The following LLGL2 variants were observed in gnomAD, a reference collection of about 807,000 sequenced individuals.
LLGL2 encodes the protein LLGL scribble cell polarity complex component 2.
Under a neutral mutation model 123.2 loss-of-function variants are expected in LLGL2, and 81 were observed. That is an observed-to-expected ratio of 0.66 (90% CI 0.55 to 0.79). LLGL2 has a LOEUF of 0.79. LLGL2 is among the 30% of genes least tolerant of loss of function. The probability of loss-of-function intolerance (pLI) is 0.00; values close to 1 mark genes in which losing one functional copy is unlikely to be tolerated. For missense variants in LLGL2, 1,273 were observed against 1,414.6 expected (o/e 0.90, Z 1.61); for synonymous variants, 577 against 594.1 (o/e 0.97, Z 0.42).
chr17:75,571,315 C>T (rs2055698109), intron 17 of LLGL2: 3 of 592,270 alleles, frequency 5.1e-6, no homozygotes, highest in Non-Finnish European at 9.0e-6. Flanking sequence ...CAGGCCGTAG[C>T]ACCCTTTAGA....
chr17:75,572,143 G>T, intron 19 of LLGL2, 79 bp downstream of exon 19: 1 of 1,391,166 alleles, frequency 7.2e-7, no homozygotes, highest in South Asian at 1.2e-5. Flanking sequence ...AAAAATGATG[G>T]CTGGGACTCA....
intron 2 of LLGL2, among the ~76,000 whole-genome samples, chr17:75,547,308 C>T (rs901310538): frequency 1.3e-5 from 2 of 152,224 alleles, no homozygotes; most frequent in South Asian, 2.1e-4. Context: ...GGGCTATGTG[C>T]CAGGCATCAG....
intron 10 of LLGL2, among the ~76,000 whole-genome samples, chr17:75,566,890 AGAG>A (rs2147497149): frequency 6.6e-6 from 1 of 152,322 alleles, no homozygotes; most frequent in African/African-American, 2.4e-5. Context: ...TCTGGAGTTC[AGAG>A]GAGAGATCGG....
chr17:75,564,101 G>A lies in LLGL2; in HGVS notation c.882-252G>A, dbSNP rs181857313. 1.9e-4 allele frequency among the ~76,000 whole-genome samples: 29 copies of A among 152,342 alleles called. No homozygotes were observed. Among genetic ancestry groups the A allele is most frequent in the African/African-American group, 6.7e-4 (28 of 41,574 alleles). On this transcript the variant is annotated intron_variant, in intron 9 of 25. Coordinates refer to ENST00000392550, the MANE Select transcript of LLGL2 (RefSeq NM_001031803.2). This position sits in a 1 kb window ranked among gnomAD's most constrained non-coding sequence, Gnocchi z 4.9. ...TGTTTCTTCAGACAAAATCACTCTGGGTGATGTTCAAACAGAATTGGTGGG... is the reference window on the plus strand; with the variant it reads ...TGTTTCTTCAGACAAAATCACTCTGAGTGATGTTCAAACAGAATTGGTGGG...
At chr17:75,537,959 G>A (rs1384577773) in intron 1 of LLGL2, among the ~76,000 whole-genome samples, 5 of 152,024 alleles carry the variant, frequency 3.3e-5, no homozygotes, top group South Asian at 2.1e-4. Context: ...CATGGTGCCC[G>A]TCACCATACC....
At chr17:75,542,629 A>G (rs1047200074) in intron 1 of LLGL2, 6 of 152,252 alleles carry the variant, frequency 3.9e-5, no homozygotes, top group Non-Finnish European at 7.3e-5. Flanking sequence ...TTGGGAGCAG[A>G]TTCCTCCTGA....
At position 75,544,199 on chromosome 17, in the gene LLGL2, A is replaced by G. The variant is rs1389426794; in HGVS notation, c.75+698A>G. 6.6e-6 allele frequency among the ~76,000 whole-genome samples: 1 copy of G among 152,218 alleles called. No homozygotes were observed. Among genetic ancestry groups the G allele is most frequent in the East Asian group, 1.9e-4 (1 of 5,192 alleles). On this transcript the variant is annotated intron_variant, in intron 2 of 25. Transcript: ENST00000392550. This position sits in a 1 kb window ranked among gnomAD's most constrained non-coding sequence, Gnocchi z 4.2. Reference sequence around the variant, plus strand: ...TGGCTCTTCAGCTCCCGGGCCACCAAGCAGTGTGGGGCCTTGTGAGGTAAT... The same window carrying G: ...TGGCTCTTCAGCTCCCGGGCCACCAGGCAGTGTGGGGCCTTGTGAGGTAAT...
At position 75,564,776 on chromosome 17, in the gene LLGL2, A is replaced by C. The variant is rs2055373639; in HGVS notation, c.1036+269A>C. The C allele has an allele frequency of 5.2e-6, 2 of 383,634 alleles. No individual in the cohort carries two copies. The highest frequency in any genetic ancestry group is 9.2e-6 in the Non-Finnish European group (2 of 218,170). The allele number at this position is 383,634 out of a possible 1,614,324, so 23.8% of individuals were successfully genotyped here. On this transcript the variant is annotated intron_variant, in intron 10 of 25. Transcript: ENST00000392550. The surrounding 1 kb of genome is among the most constrained non-coding windows in gnomAD (Gnocchi z 4.9). ...CTACTCAGGAGGCTGAGGTGGGAGG[A>C]TCACTTGAGCCTGGGAGGTGGAGGT... is the stretch of plus-strand genomic sequence containing the variant.
intron 24 of LLGL2, 35 bp downstream of exon 24, chr17:75,574,530 G>C (rs1226402817): frequency 1.9e-6 from 3 of 1,578,096 alleles, no homozygotes; most frequent in African/African-American, 2.7e-5. Context: ...GGGTGGGCCC[G>C]AGGCTCTGCC....
chr17:75,558,055 C>A lies in LLGL2; in HGVS notation c.174-100C>A, dbSNP rs1358941536. On this transcript the variant is annotated intron_variant, in intron 3 of 25. Transcript: ENST00000392550. The surrounding 1 kb of genome is among the most constrained non-coding windows in gnomAD (Gnocchi z 4.0). ...TGCCTCGGGGGAGGGCAGCCCCTCT[C>A]TGTGTTTGCATCATTGCACATGGGC... 7 of 1,136,840 alleles carry A rather than the reference C, an allele frequency of 6.2e-6. No individual in the cohort carries two copies. The highest frequency in any genetic ancestry group is 9.3e-6 in the Non-Finnish European group (7 of 749,068). 70.4% of individuals were successfully genotyped at this position (1,136,840 alleles called of 1,614,324 possible).
At chr17:75,526,078 A>G (rs1598485196) in intron 1 of LLGL2, among the ~76,000 whole-genome samples, 1 of 152,228 alleles carries the variant, frequency 6.6e-6, no homozygotes, top group African/African-American at 2.4e-5. Flanking sequence ...TTTGCACAAT[A>G]ATGTTGGCTT....
At chr17:75,563,682 C>G in intron 8 of LLGL2, 70 bp from the exon 9 acceptor site, 17 of 1,563,470 alleles carry the variant, frequency 1.1e-5, no homozygotes, top group Non-Finnish European at 1.5e-5. Flanking sequence ...CTAGAGGGAT[C>G]TGTGCCTGTG....
Position 75,564,289 on chromosome 17 carries a change from G to A in LLGL2, c.882-64G>A, listed in dbSNP as rs528003323. ...TGACTGAGTGGTGACTTTGATTGCCGGCCTGTGGCTGTTGAGGCTGTGCCA... is the reference window on the plus strand; with the variant it reads ...TGACTGAGTGGTGACTTTGATTGCCAGCCTGTGGCTGTTGAGGCTGTGCCA... On this transcript the variant is annotated intron_variant, in intron 9 of 25. Coordinates refer to ENST00000392550, the MANE Select transcript of LLGL2 (RefSeq NM_001031803.2). This position sits in a 1 kb window ranked among gnomAD's most constrained non-coding sequence, Gnocchi z 4.9. 1.0e-4 allele frequency: 155 copies of A among 1,546,374 alleles called. No homozygotes were observed. The African/African-American group carries it at 1.3e-3, about 13-fold the overall frequency.
At position 75,525,755 on chromosome 17, in the gene LLGL2, G is replaced by C. The variant is rs895060283; in HGVS notation, c.-101G>C. On this transcript the variant is annotated 5_prime_UTR_variant, in exon 1 of 26. Coordinates refer to ENST00000392550, the MANE Select transcript of LLGL2 (RefSeq NM_001031803.2). This position sits in a 1 kb window ranked among gnomAD's most constrained non-coding sequence, Gnocchi z 4.8. ...CAGCAGCCCGTGGGCAGGCGCGGCG[G>C]AGCGAGCGGGGCCGGCGGCGGGCGC... 1 of 147,282 alleles carries C rather than the reference G, an allele frequency of 6.8e-6. No individual in the cohort carries two copies. The highest frequency in any genetic ancestry group is 1.5e-5 in the Non-Finnish European group (1 of 65,812). 9.1% of individuals were successfully genotyped at this position (147,282 alleles called of 1,614,324 possible). A position where few individuals can be genotyped will look rare whatever the true frequency, so the allele number is the denominator to read the frequency against.
intron 2 of LLGL2, among the ~76,000 whole-genome samples, chr17:75,545,952 C>T (rs2054403928): frequency 6.6e-6 from 1 of 152,078 alleles, no homozygotes; most frequent in Non-Finnish European, 1.5e-5. Context: ...TAGCAGTGTC[C>T]CTAGTCCTAC....
intron 2 of LLGL2, among the ~76,000 whole-genome samples, chr17:75,546,981 C>T (rs2054458700): frequency 6.6e-6 from 1 of 152,210 alleles, no homozygotes; most frequent in Non-Finnish European, 1.5e-5. Context: ...TCATCTCTTC[C>T]AGTGGTCCTG....
chr17:75,531,122 C>T (rs1020639406), intron 1 of LLGL2, among the ~76,000 whole-genome samples: 30 of 152,138 alleles, frequency 2.0e-4, no homozygotes, highest in African/African-American at 7.2e-4. Flanking sequence ...CTGTGCTGCT[C>T]TGTTGGCATT....
At position 75,564,171 on chromosome 17, in the gene LLGL2, C is replaced by T. The variant is rs2055347654; in HGVS notation, c.882-182C>T. On this transcript the variant is annotated intron_variant, in intron 9 of 25. Coordinates refer to ENST00000392550, the MANE Select transcript of LLGL2 (RefSeq NM_001031803.2). The surrounding 1 kb of genome is among the most constrained non-coding windows in gnomAD (Gnocchi z 4.9). The stretch of plus-strand genomic sequence containing the variant: ...GAGTGGCTGCTGAGACTCAGAGCCC[C>T]CAGCCTGGATGCCCTCACCTTACCT... 6.6e-6 allele frequency among the ~76,000 whole-genome samples: 1 copy of T among 152,232 alleles called. No individual in the cohort carries two copies. Among genetic ancestry groups the T allele is most frequent in the Admixed American group, 6.5e-5 (1 of 15,290 alleles).
chr17:75,550,772 C>A (rs1441605532), intron 2 of LLGL2, among the ~76,000 whole-genome samples: 13 of 112,984 alleles, frequency 1.2e-4, no homozygotes, highest in Non-Finnish European at 2.0e-4. Flanking sequence ...CAGAGTGAGA[C>A]CCTGTCTCAA....
Sources: gnomAD v4.1 joint callset for allele counts (sites outside exome capture counted in the v4.1 genomes callset) on GRCh38, gnomAD v4.1.1 for gene constraint, Gnocchi (gnomAD v3.1) non-coding constraint, MANE v1.5 for transcripts, NCBI Gene and HGNC (gene_info 2026-07-23, HGNC 2026-07-21) for gene names.